Variants in GOLGA8B observed in about 807,000 individuals in gnomAD.
The protein encoded by GOLGA8B is golgin subfamily A member 8B.
Under a neutral mutation model 15.6 loss-of-function variants are expected in GOLGA8B, and 1 was observed. The ratio of observed to expected loss-of-function variants is 0.06; its 90% CI spans 0.02 to 0.30. The LOEUF (loss-of-function observed/expected upper bound fraction) is 0.30, where lower values mean the gene tolerates loss of function less well. Ranked by LOEUF, GOLGA8B falls within the 10% of genes least tolerant of loss-of-function variation. GOLGA8B has a pLI of 1.00. For missense variants in GOLGA8B, 17 were observed against 201.3 expected (o/e 0.08, Z 5.54); for synonymous variants, 9 against 80.3 (o/e 0.11, Z 4.75).
chr15:34,575,142 G>A (rs72724901), intron 1 of GOLGA8B, among the ~76,000 whole-genome samples: 2 of 149,114 alleles, frequency 1.3e-5, no homozygotes, highest in South Asian at 4.2e-4. Flanking sequence ...TAAAACGTCC[G>A]CACTAGCAAG....
chr15:34,573,534 CTCAAAA>C (rs1566935815), intron 1 of GOLGA8B, among the ~76,000 whole-genome samples: 1 of 54,474 alleles, frequency 1.8e-5, no homozygotes, highest in African/African-American at 6.4e-5. Context: ...GAGACTCCGT[CTCAAAA>C]AAAAAAAAAA....
intron 1 of GOLGA8B, among the ~76,000 whole-genome samples, chr15:34,577,787 T>C (rs1889122617): frequency 6.6e-6 from 1 of 152,124 alleles, no homozygotes; most frequent in Non-Finnish European, 1.5e-5. Flanking sequence ...CTATAAAAGA[T>C]AAAACATGGT....
intron 1 of GOLGA8B, among the ~76,000 whole-genome samples, chr15:34,573,412 C>A (rs1566935778): frequency 6.6e-6 from 1 of 151,792 alleles, no homozygotes; most frequent in Admixed American, 6.6e-5. Flanking sequence ...TGGCGGGCGC[C>A]TGTAGTCCCA....
intron 11 of GOLGA8B, among the ~76,000 whole-genome samples, chr15:34,532,517 CAA>C: frequency 8.8e-6 from 1 of 113,644 alleles, no homozygotes; most frequent in African/African-American, 2.7e-5. Context: ...TGTCCAGAAT[CAA>C]AGAGCAAATT....
intron 4 of GOLGA8B, among the ~76,000 whole-genome samples, chr15:34,548,333 A>AT (rs1247228707): frequency 5.3e-5 from 8 of 150,620 alleles, no homozygotes; most frequent in Middle Eastern, 3.4e-3. Context: ...ACAAAAAGAT[A>AT]TTTTTTTTTC....
chr15:34,578,309 C>T (rs1395368725), intron 1 of GOLGA8B, among the ~76,000 whole-genome samples: 2 of 152,240 alleles, frequency 1.3e-5, no homozygotes, highest in African/African-American at 4.8e-5. Flanking sequence ...TTCCCCATCG[C>T]TGTGAAGAGC....
At chr15:34,565,137 T>C (rs1452169572) in intron 1 of GOLGA8B, among the ~76,000 whole-genome samples, 1 of 19,056 alleles carries the variant, frequency 5.2e-5, no homozygotes, top group East Asian at 2.1e-3. Context: ...CCAGTTCTCT[T>C]TTTTTTTTTT....
intron 1 of GOLGA8B, among the ~76,000 whole-genome samples, chr15:34,573,536 CAAAAAA>C (rs60984933): frequency 0.021 from 1,796 of 86,796 alleles, 22 homozygotes; most frequent in Middle Eastern, 0.053. Flanking sequence ...GACTCCGTCT[CAAAAAA>C]AAAAAAAAAA....
intron 1 of GOLGA8B, among the ~76,000 whole-genome samples, chr15:34,575,200 G>A (rs1313538914): frequency 6.6e-6 from 1 of 151,828 alleles, no homozygotes; most frequent in East Asian, 1.9e-4. Flanking sequence ...CCAGTGGGGA[G>A]TGGGCTCCAG....
rs1321193820 is a variant in GOLGA8B at position 34,525,305 on chromosome 15, C to T, written c.*2327G>A. 2.7e-5 allele frequency: 4 copies of T among 149,582 alleles called. No homozygotes were observed. The highest frequency in any genetic ancestry group is 2.1e-4 in the South Asian group (1 of 4,664). 9.3% of individuals were successfully genotyped at this position (149,582 alleles called of 1,614,324 possible). A position where few individuals can be genotyped will look rare whatever the true frequency, so the allele number is the denominator to read the frequency against. Reference sequence around the variant, plus strand: ...ACTTTGCAACAATTTAATAATTTATCACATTACAGTAGCATCACACCAGCA... The same window carrying T: ...ACTTTGCAACAATTTAATAATTTATTACATTACAGTAGCATCACACCAGCA... On this transcript the variant is annotated 3_prime_UTR_variant, in exon 24 of 24. Coordinates refer to ENST00000683415, the MANE Select transcript of GOLGA8B (RefSeq NM_001023567.5).
rs1894428173 is a variant in GOLGA8B at position 34,525,784 on chromosome 15, C to CA, written c.*1847dup. On this transcript the variant is annotated 3_prime_UTR_variant, in exon 24 of 24. Coordinates refer to ENST00000683415, the MANE Select transcript of GOLGA8B (RefSeq NM_001023567.5). ...TCTGCCCTCTTTCAGTGAATGCCGG[C>CA]AAATCTGTTATTCCATTGGCAAAAT... 1 of 149,408 alleles carries CA rather than the reference C, an allele frequency of 6.7e-6. No homozygotes were observed. Among genetic ancestry groups the CA allele is most frequent in the Non-Finnish European group, 1.5e-5 (1 of 67,166 alleles). The allele number at this position is 149,408 out of a possible 1,614,324, so 9.3% of individuals were successfully genotyped here.
At chr15:34,548,410 A>G (rs1249013680) in intron 4 of GOLGA8B, among the ~76,000 whole-genome samples, 1 of 151,122 alleles carries the variant, frequency 6.6e-6, no homozygotes, top group Non-Finnish European at 1.5e-5. Flanking sequence ...CAAGAAAGAG[A>G]AGATCTTAAG....
chr15:34,579,073 A>G (rs1017203546), intron 1 of GOLGA8B, among the ~76,000 whole-genome samples: 3 of 152,002 alleles, frequency 2.0e-5, no homozygotes, highest in Non-Finnish European at 2.9e-5. Flanking sequence ...CAAAACAACC[A>G]CAGGCAAGAG....
intron 1 of GOLGA8B, among the ~76,000 whole-genome samples, chr15:34,577,525 C>T (rs1234410281): frequency 7.7e-6 from 1 of 129,672 alleles, no homozygotes; most frequent in Non-Finnish European, 1.8e-5. Flanking sequence ...CACACACACA[C>T]ACACACACAC....
chr15:34,565,135 CTTTTTTTTT>C (rs71119971), intron 1 of GOLGA8B, among the ~76,000 whole-genome samples: 2 of 106,936 alleles, frequency 1.9e-5, no homozygotes, highest in Non-Finnish European at 4.4e-5. Flanking sequence ...ATCCAGTTCT[CTTTTTTTTT>C]TTTTTTTTGA....
rs1407439239 is a variant in GOLGA8B at position 34,525,682 on chromosome 15, C to T, written c.*1950G>A. 1.3e-5 allele frequency: 2 copies of T among 149,844 alleles called. No individual in the cohort carries two copies. The highest frequency in any genetic ancestry group is 4.9e-5 in the African/African-American group (2 of 40,502). 9.3% of individuals were successfully genotyped at this position (149,844 alleles called of 1,614,324 possible). On this transcript the variant is annotated 3_prime_UTR_variant, in exon 24 of 24. Transcript: ENST00000683415. The stretch of plus-strand genomic sequence containing the variant: ...GGTCTAATATTTTTTCTTTATTATT[C>T]TGAAACTGGGTTTATCTAATACATT...
intron 1 of GOLGA8B, among the ~76,000 whole-genome samples, chr15:34,581,993 C>T (rs1488221139): frequency 1.3e-5 from 2 of 152,184 alleles, no homozygotes; most frequent in African/African-American, 4.8e-5. Context: ...GCCCTGGACA[C>T]TGCCCGGAGC....
intron 1 of GOLGA8B, among the ~76,000 whole-genome samples, chr15:34,577,551 CACACACACAGAT>C (rs1566936707): frequency 1.5e-5 from 2 of 134,832 alleles, no homozygotes; most frequent in South Asian, 2.4e-4. Context: ...CACACACACA[CACACACACAGAT>C]GCGTCACTTA....
rs1894428628 is a variant in GOLGA8B at position 34,525,814 on chromosome 15, T to C, written c.*1818A>G. ...CTGTTATTCCATTGGCAAAATCGTA[T>C]TGCTGCTCTCCTGTTAATCTCCTAT... On this transcript the variant is annotated 3_prime_UTR_variant, in exon 24 of 24. Transcript: ENST00000683415. 1 of 149,670 alleles carries C rather than the reference T, an allele frequency of 6.7e-6. No individual in the cohort carries two copies. The highest frequency in any genetic ancestry group is 2.1e-4 in the South Asian group (1 of 4,656). The allele number at this position is 149,670 out of a possible 1,614,324, so 9.3% of individuals were successfully genotyped here.
Sources: allele counts gnomAD v4.1 joint callset (sites outside exome capture counted in the v4.1 genomes callset), GRCh38; gene constraint gnomAD v4.1.1; transcripts MANE v1.5; gene names NCBI Gene and HGNC (gene_info 2026-07-23, HGNC 2026-07-21).